The following AGMO variants were observed in gnomAD, a reference collection of about 807,000 sequenced individuals.
AGMO encodes glyceryl-ether monooxygenase.
In AGMO, 75 loss-of-function variants were observed where a neutral mutation model predicts 60.2. The ratio of observed to expected loss-of-function variants is 1.25; its 90% confidence interval spans 1.03 to 1.51. AGMO has a LOEUF of 1.51. AGMO is among the 40% of genes most tolerant of loss of function. The pLI is 0.00. For missense variants in AGMO, 763 were observed against 525.5 expected (o/e 1.45, Z -4.42); for synonymous variants, 261 against 177.1 (o/e 1.47, Z -3.76).
intron 10 of AGMO, among the ~76,000 whole-genome samples, chr7:15,381,243 A>T (rs184473120): frequency 6.6e-6 from 1 of 152,162 alleles, no homozygotes; most frequent in African/African-American, 2.4e-5. Flanking sequence ...TGAACAGACA[A>T]CCTACAGAAT....
intron 12 of AGMO, among the ~76,000 whole-genome samples, chr7:15,291,047 A>G (rs548283539): frequency 1.3e-5 from 2 of 152,214 alleles, no homozygotes; most frequent in South Asian, 4.2e-4. Context: ...AGCTTTACAA[A>G]TTTTCTGGGT....
At chr7:15,420,833 A>G (rs1780903593) in intron 4 of AGMO, among the ~76,000 whole-genome samples, 1 of 152,126 alleles carries the variant, frequency 6.6e-6, no homozygotes, top group Non-Finnish European at 1.5e-5. Flanking sequence ...ATGCATTCAA[A>G]CCCATGTCAT....
chr7:15,469,764 G>C (rs887278420), intron 3 of AGMO, among the ~76,000 whole-genome samples: 2 of 152,074 alleles, frequency 1.3e-5, no homozygotes, highest in African/African-American at 4.8e-5. Flanking sequence ...AGCCAGGAAG[G>C]AAGAAGTTTC....
chr7:15,122,671 A>G, the AGMO span, among the ~76,000 whole-genome samples: 91 of 152,214 alleles, frequency 6.0e-4, no homozygotes, highest in African/African-American at 1.9e-3. Flanking sequence ...TGAGTCTTCT[A>G]TTTCTCTAAC....
At chr7:15,525,883 T>G (rs1213625569) in intron 3 of AGMO, among the ~76,000 whole-genome samples, 1 of 152,174 alleles carries the variant, frequency 6.6e-6, no homozygotes, top group Non-Finnish European at 1.5e-5. Flanking sequence ...GCCTCAGGGT[T>G]GCAGGCACCT....
chr7:15,209,614 C>G (rs534687134), intron 12 of AGMO, among the ~76,000 whole-genome samples: 228 of 152,304 alleles, frequency 1.5e-3, no homozygotes, highest in African/African-American at 5.1e-3. Context: ...TGGGGGATTT[C>G]TCTCAGTGTT....
chr7:15,559,787 A>G (rs1785251478), intron 2 of AGMO, among the ~76,000 whole-genome samples: 1 of 152,054 alleles, frequency 6.6e-6, no homozygotes, highest in African/African-American at 2.4e-5. Context: ...GACCTGCTCT[A>G]GGGAATGGCT....
the AGMO span, among the ~76,000 whole-genome samples, chr7:15,141,167 CG>C: frequency 6.6e-6 from 1 of 152,172 alleles, no homozygotes; most frequent in Non-Finnish European, 1.5e-5. Flanking sequence ...GAGAGCCCAA[CG>C]CCTTGGGAGT....
chr7:15,205,094 C>T (rs1781406859), intron 12 of AGMO, among the ~76,000 whole-genome samples: 1 of 152,156 alleles, frequency 6.6e-6, no homozygotes, highest in African/African-American at 2.4e-5. Flanking sequence ...TGCATGCTCT[C>T]AAATTGCAAA....
chr7:15,377,996 C>G (rs1455562146), intron 10 of AGMO, among the ~76,000 whole-genome samples: 1 of 152,022 alleles, frequency 6.6e-6, no homozygotes, highest in African/African-American at 2.4e-5. Flanking sequence ...ACCTGGTACA[C>G]TATGCAATTT....
intron 3 of AGMO, among the ~76,000 whole-genome samples, chr7:15,495,143 C>G (rs1411635276): frequency 6.6e-6 from 1 of 152,128 alleles, no homozygotes; most frequent in African/African-American, 2.4e-5. Context: ...CATCATGATG[C>G]TTTTGCTAAT....
intron 4 of AGMO, among the ~76,000 whole-genome samples, chr7:15,420,862 T>C (rs1780904578): frequency 6.6e-6 from 1 of 152,172 alleles, no homozygotes; most frequent in Non-Finnish European, 1.5e-5. Flanking sequence ...TTAGTTTCTT[T>C]AGCTTTAAAT....
At chr7:15,126,741 T>G in the AGMO span, among the ~76,000 whole-genome samples, 1 of 152,258 alleles carries the variant, frequency 6.6e-6, no homozygotes, top group East Asian at 1.9e-4. Flanking sequence ...GAAATAACCC[T>G]GCAAAGCTGT....
chr7:15,354,606 G>A (rs888143872), intron 12 of AGMO, among the ~76,000 whole-genome samples: 4 of 140,518 alleles, frequency 2.8e-5, no homozygotes, highest in Admixed American at 2.2e-4. Context: ...GATACATCTT[G>A]AGAAAGACTA....
rs61727790 is a variant in AGMO, at chr7:15,241,459, C to CAAAA, written c.1264-40104_1264-40101dup. Among the ~76,000 whole-genome samples the CAAAA allele has an allele frequency of 4.7e-4, 24 of 51,344 alleles. 2 individuals carry two copies. Among genetic ancestry groups the CAAAA allele is most frequent in the East Asian group, 9.4e-4 (2 of 2,120 alleles). 33.7% of individuals were successfully genotyped at this position (51,344 alleles called of 152,430 possible). ...TGGGCGAAAGAGTGAGACTCCGTCT[C>CAAAA]AAAAAAAAAAAAAAAAAAAAAAAAA... On this transcript the variant is annotated intron_variant, in intron 12 of 12. Coordinates refer to ENST00000342526, the MANE Select transcript of AGMO (RefSeq NM_001004320.2).
At chr7:15,507,696 T>G (rs1332184492) in intron 3 of AGMO, among the ~76,000 whole-genome samples, 2 of 152,126 alleles carry the variant, frequency 1.3e-5, no homozygotes, top group African/African-American at 4.8e-5. Context: ...GTTTTAACAC[T>G]GAATAACTAG....
intron 12 of AGMO, among the ~76,000 whole-genome samples, chr7:15,224,994 G>T (rs968985750): frequency 2.6e-5 from 4 of 151,892 alleles, no homozygotes; most frequent in Non-Finnish European, 5.9e-5. Context: ...AAAAATAAAT[G>T]TCCTAATTCA....
At chr7:15,258,982 TA>T (rs1783188641) in intron 12 of AGMO, among the ~76,000 whole-genome samples, 1 of 152,032 alleles carries the variant, frequency 6.6e-6, no homozygotes, top group South Asian at 2.1e-4. Context: ...ACAATTCTGG[TA>T]ATATGACAAA....
chr7:15,537,258 A>C (rs1036551847), intron 3 of AGMO, among the ~76,000 whole-genome samples: 1 of 152,156 alleles, frequency 6.6e-6, no homozygotes, highest in Non-Finnish European at 1.5e-5. Context: ...AAGCTAGAAG[A>C]TGAGTAAAAT....
Sources: allele counts gnomAD v4.1 joint callset (sites outside exome capture counted in the v4.1 genomes callset), GRCh38; gene constraint gnomAD v4.1.1; transcripts MANE v1.5; gene names NCBI Gene and HGNC (gene_info 2026-07-23, HGNC 2026-07-21).